The following ASIC5 variants were observed in gnomAD, a reference collection of about 807,000 sequenced individuals.
ASIC5 encodes the protein acid sensing ion channel subunit family member 5, also known as bile acid-sensitive ion channel.
In ASIC5, 52 loss-of-function variants were observed where a neutral mutation model predicts 51.2. The ratio of observed to expected loss-of-function variants is 1.02; its 90% confidence interval spans 0.81 to 1.28. ASIC5 has a LOEUF of 1.28. Among genes scored for constraint, ASIC5 ranks in the 50% most tolerant of loss-of-function variants. ASIC5 has a pLI of 0.00. For synonymous variants in ASIC5, 231 were observed against 200.7 expected (o/e 1.15, Z -1.28); for missense variants, 635 against 595.0 (o/e 1.07, Z -0.70).
Position 155,866,262 on chromosome 4 carries a change from C to T in ASIC5, c.-36G>A. The T allele has an allele frequency of 6.5e-7, 1 of 1,544,560 alleles. No individual in the cohort carries two copies. Among genetic ancestry groups the T allele is most frequent in the Non-Finnish European group, 8.9e-7 (1 of 1,121,810 alleles). ...AGTTAAGCAAGAGTCCTCAGGGTAA[C>T]CCAATTTTCATCAATAACAGTATTC... On this transcript the variant is annotated 5_prime_UTR_variant, in exon 1 of 10. Transcript: ENST00000537611.
intron 5 of ASIC5, 125 bp from the exon 6 acceptor site, chr4:155,842,479 G>T: frequency 1.2e-6 from 1 of 842,868 alleles, no homozygotes; most frequent in Non-Finnish European, 1.8e-6. Flanking sequence ...AACCAAAATT[G>T]GTTACATTTG....
intron 1 of ASIC5, chr4:155,865,044 T>C (rs1008621146): frequency 1.3e-5 from 2 of 152,044 alleles, no homozygotes; most frequent in Admixed American, 1.3e-4. Flanking sequence ...AAATAACCAA[T>C]CAATTAGCTA....
At chr4:155,851,609 C>T (rs1410147201) in intron 4 of ASIC5, among the ~76,000 whole-genome samples, 1 of 151,868 alleles carries the variant, frequency 6.6e-6, no homozygotes, top group East Asian at 1.9e-4. Context: ...TACTAGGAAC[C>T]CTTGAAGAAA....
chr4:155,858,806 ATG>A (rs1231765227), intron 2 of ASIC5: 1 of 152,214 alleles, frequency 6.6e-6, no homozygotes, highest in East Asian at 1.9e-4. Flanking sequence ...ATAGTCAACT[ATG>A]TGTTTGTCTG....
At chr4:155,861,882 A>C (rs985724908) in intron 2 of ASIC5, among the ~76,000 whole-genome samples, 1 of 152,090 alleles carries the variant, frequency 6.6e-6, no homozygotes, top group African/African-American at 2.4e-5. Flanking sequence ...ATCCTAGTGC[A>C]GTATAACCTC....
Position 155,829,824 on chromosome 4 carries a change from T to C in ASIC5, c.*32A>G. The C allele has an allele frequency of 7.3e-7, 1 of 1,377,584 alleles. No individual in the cohort carries two copies. 85.3% of individuals were successfully genotyped at this position (1,377,584 alleles called of 1,614,324 possible). A position where few individuals can be genotyped will look rare whatever the true frequency, so the allele number is the denominator to read the frequency against. ...AGTCAAGATAAATCTGAAGGTATCA[T>C]GAAAAGGAAACTATTTTATTCTAAG... On this transcript the variant is annotated 3_prime_UTR_variant, in exon 10 of 10. Transcript: ENST00000537611.
chr4:155,854,014 G>A (rs1458752699), intron 3 of ASIC5, 63 bp downstream of exon 3: 2 of 1,263,672 alleles, frequency 1.6e-6, no homozygotes, highest in African/African-American at 1.5e-5. Flanking sequence ...GGAGCTCAAT[G>A]TGAAACAGTG....
chr4:155,852,091 C>A, intron 4 of ASIC5, 100 bp downstream of exon 4: 2 of 1,291,066 alleles, frequency 1.5e-6, no homozygotes, highest in Non-Finnish European at 2.2e-6. Flanking sequence ...GAAATAATAT[C>A]CAATGTGTGG....
rs558427255 is a variant in ASIC5 at position 155,849,232 on chromosome 4, T to G, written c.711+2959A>C. ...TACAGGGTTTCTGACCTGTGGTAAG[T>G]AAAGAATGTCACTTTCTGACAGGCC... On this transcript the variant is annotated intron_variant, in intron 4 of 9. Transcript: ENST00000537611. Among the ~76,000 whole-genome samples the G allele has an allele frequency of 2.0e-5, 3 of 152,108 alleles. No homozygotes were observed. The South Asian group carries it at 6.2e-4, about 32-fold the overall frequency.
intron 4 of ASIC5, among the ~76,000 whole-genome samples, chr4:155,851,402 G>A (rs1741379435): frequency 6.6e-6 from 1 of 151,954 alleles, no homozygotes; most frequent in African/African-American, 2.4e-5. Flanking sequence ...ACTTGGATTG[G>A]GAGGTGAATG....
chr4:155,851,023 ACT>A (rs1741370463), intron 4 of ASIC5, among the ~76,000 whole-genome samples: 1 of 151,924 alleles, frequency 6.6e-6, no homozygotes, highest in African/African-American at 2.4e-5. Flanking sequence ...GTAATTCAAA[ACT>A]CTATTTCTCC....
chr4:155,840,704 TA>T, intron 6 of ASIC5, among the ~76,000 whole-genome samples: 1 of 152,098 alleles, frequency 6.6e-6, no homozygotes, highest in East Asian at 1.9e-4. Flanking sequence ...GCCTGGGGAC[TA>T]GATTGCCTAT....
intron 7 of ASIC5, among the ~76,000 whole-genome samples, chr4:155,837,367 C>T (rs1741008664): frequency 1.3e-5 from 2 of 152,194 alleles, no homozygotes; most frequent in Admixed American, 6.5e-5. Flanking sequence ...ACTTCCAAAT[C>T]AACCACTGAG....
chr4:155,836,351 C>T (rs188529273), intron 8 of ASIC5, among the ~76,000 whole-genome samples: 1 of 152,264 alleles, frequency 6.6e-6, no homozygotes, highest in East Asian at 1.9e-4. Context: ...TTAGAAGACT[C>T]AAAGTGTATA....
intron 4 of ASIC5, among the ~76,000 whole-genome samples, chr4:155,851,835 T>A (rs1194865869): frequency 6.6e-6 from 1 of 152,052 alleles, no homozygotes; most frequent in African/African-American, 2.4e-5. Flanking sequence ...AAACGTGATA[T>A]TTACATAAAC....
At position 155,843,707 on chromosome 4, in the gene ASIC5, C is replaced by T. The variant is rs745353708; in HGVS notation, c.835G>A (p.Ala279Thr). 2.0e-5 allele frequency: 33 copies of T among 1,613,384 alleles called. No homozygotes were observed. Among genetic ancestry groups the T allele is most frequent in the Middle Eastern group, 1.6e-4 (1 of 6,076 alleles). ...LGLLSPVGMH[A>T]RVTIRQVKTV... ...TTCACTTGGCGGATGGTTACCCTTG[C>T]GTGCATTCCCACAGGTGACAACAAG... The change falls in exon 5 of 10, where the codon GCA becomes ACA. Residue 279 changes from alanine to threonine, a missense_variant. Coordinates refer to ENST00000537611, the MANE Select transcript of ASIC5 (RefSeq NM_017419.3).
chr4:155,850,005 C>A (rs1003317379), intron 4 of ASIC5, among the ~76,000 whole-genome samples: 1 of 151,842 alleles, frequency 6.6e-6, no homozygotes, highest in Non-Finnish European at 1.5e-5. Context: ...TAAAAATAAG[C>A]TTTTGGGACC....
intron 8 of ASIC5, among the ~76,000 whole-genome samples, chr4:155,833,471 A>G (rs746844942): frequency 6.6e-6 from 1 of 152,204 alleles, no homozygotes; most frequent in Non-Finnish European, 1.5e-5. Flanking sequence ...TAATATGTTT[A>G]CTTAATTTCC....
intron 7 of ASIC5, among the ~76,000 whole-genome samples, chr4:155,837,325 A>G (rs1560741232): frequency 1.3e-5 from 2 of 152,154 alleles, no homozygotes; most frequent in Non-Finnish European, 2.9e-5. Flanking sequence ...GCTCCTGAGT[A>G]TTTGCAGTTC....
Sources: gnomAD v4.1 joint callset for allele counts (sites outside exome capture counted in the v4.1 genomes callset) on GRCh38, gnomAD v4.1.1 for gene constraint, MANE v1.5 for transcripts, NCBI Gene and HGNC (gene_info 2026-07-23, HGNC 2026-07-21) for gene names.